TECRL: variants seen among roughly 807,000 people sequenced by gnomAD.
The protein encoded by TECRL is trans-2,3-enoyl-CoA reductase-like.
Under a neutral mutation model 52.8 loss-of-function variants are expected in TECRL, and 63 were observed. The ratio of observed to expected loss-of-function variants is 1.19; its 90% CI spans 0.97 to 1.47. The LOEUF is 1.47. Among genes scored for constraint, TECRL ranks in the 40% most tolerant of loss-of-function variants. TECRL has a pLI of 0.00. For synonymous variants in TECRL, 164 were observed against 141.9 expected (o/e 1.16, Z -1.10); for missense variants, 482 against 429.6 (o/e 1.12, Z -1.08).
chr4:64,330,015 A>G (rs1718527674), intron 2 of TECRL, among the ~76,000 whole-genome samples: 1 of 151,170 alleles, frequency 6.6e-6, no homozygotes, highest in African/African-American at 2.4e-5. Flanking sequence ...GTACTATTTT[A>G]CTGTACTATT....
Position 64,343,841 on chromosome 4 carries a change from A to G in TECRL, c.287-15285T>C, listed in dbSNP as rs140279354. Among the ~76,000 whole-genome samples the G allele has an allele frequency of 7.2e-5, 11 of 152,202 alleles. No homozygotes were observed. The East Asian group carries it at 2.1e-3, about 29-fold the overall frequency. ...AACCTCAATTACACACTTTAGAGCCACGGAGAGAAAAAAATAAAGTATGAA... is the reference window on the plus strand; with the variant it reads ...AACCTCAATTACACACTTTAGAGCCGCGGAGAGAAAAAAATAAAGTATGAA... On this transcript the variant is annotated intron_variant, in intron 2 of 11. Transcript: ENST00000381210.
chr4:64,381,575 G>C (rs1433370198), intron 1 of TECRL, among the ~76,000 whole-genome samples: 1 of 151,692 alleles, frequency 6.6e-6, no homozygotes, highest in Non-Finnish European at 1.5e-5. Flanking sequence ...CTAATTTGTT[G>C]AGAGGTTTCT....
intron 9 of TECRL, among the ~76,000 whole-genome samples, chr4:64,288,517 G>A (rs1723200732): frequency 2.0e-5 from 3 of 152,222 alleles, no homozygotes; most frequent in African/African-American, 4.8e-5. Context: ...TCATTTTGAA[G>A]TGTTGTCTTT....
At chr4:64,387,659 C>A (rs761361307) in intron 1 of TECRL, among the ~76,000 whole-genome samples, 2 of 151,964 alleles carry the variant, frequency 1.3e-5, no homozygotes, top group Non-Finnish European at 2.9e-5. Flanking sequence ...TGTAGAGTCT[C>A]TTTTTGTATA....
chr4:64,384,905 T>C (rs1723070995), intron 1 of TECRL, among the ~76,000 whole-genome samples: 1 of 152,156 alleles, frequency 6.6e-6, no homozygotes, highest in African/African-American at 2.4e-5. Flanking sequence ...CCCAATGTTA[T>C]CTGCAGGCAT....
intron 1 of TECRL, among the ~76,000 whole-genome samples, chr4:64,384,824 AG>A (rs1447462129): frequency 1.3e-5 from 2 of 152,114 alleles, no homozygotes; most frequent in African/African-American, 4.8e-5. Flanking sequence ...TTGTGGCTTC[AG>A]CCCCCTGGAT....
intron 2 of TECRL, among the ~76,000 whole-genome samples, chr4:64,368,370 A>G (rs1228410617): frequency 6.6e-6 from 1 of 152,126 alleles, no homozygotes; most frequent in Non-Finnish European, 1.5e-5. Flanking sequence ...ATCTTGGCTC[A>G]CTGCAACCTC....
At chr4:64,347,205 T>A (rs1720051647) in intron 2 of TECRL, among the ~76,000 whole-genome samples, 1 of 152,090 alleles carries the variant, frequency 6.6e-6, no homozygotes, top group Admixed American at 6.6e-5. Flanking sequence ...TGCAAAATAA[T>A]CCATCATTCC....
At position 64,314,570 on chromosome 4, in the gene TECRL, A is replaced by G. The variant is rs574846578; in HGVS notation, c.551+78T>C. 4.1e-5 allele frequency: 44 copies of G among 1,083,698 alleles called. No homozygotes were observed. The Middle Eastern group carries it at 6.3e-4, about 16-fold the overall frequency. The allele number at this position is 1,083,698 out of a possible 1,614,324, so 67.1% of individuals were successfully genotyped here. On this transcript the variant is annotated intron_variant, in intron 5 of 11. Transcript: ENST00000381210. ...TAATATTTTACCTGCTTACTAGTTC[A>G]TCCCCTCCTTAACGTGTATGGTGTG...
At chr4:64,394,467 GC>G (rs1303821437) in intron 1 of TECRL, among the ~76,000 whole-genome samples, 4 of 152,140 alleles carry the variant, frequency 2.6e-5, no homozygotes, top group African/African-American at 7.2e-5. Flanking sequence ...AGAAAAGGCA[GC>G]CAAAGGTACT....
chr4:64,382,227 ATATATATAG>A (rs1375866835), intron 1 of TECRL, among the ~76,000 whole-genome samples: 359 of 3,334 alleles, frequency 0.11, 2 homozygotes, highest in South Asian at 0.2. Context: ...ATATATATAT[ATATATATAG>A]TATTATGTAT....
At chr4:64,298,225 A>G (rs1303640362) in intron 8 of TECRL, among the ~76,000 whole-genome samples, 1 of 151,248 alleles carries the variant, frequency 6.6e-6, no homozygotes, top group Non-Finnish European at 1.5e-5. Context: ...ATGTGCAATT[A>G]AAGTTATCAC....
intron 2 of TECRL, among the ~76,000 whole-genome samples, chr4:64,374,079 A>ATATATATATATATATT (rs1343885987): frequency 0.011 from 1,040 of 96,604 alleles, 1 homozygote; most frequent in Middle Eastern, 0.037. Flanking sequence ...ATATATATAT[A>ATATATATATATATATT]TATTTATCTT....
At chr4:64,333,932 G>A (rs556237097) in intron 2 of TECRL, among the ~76,000 whole-genome samples, 3 of 140,222 alleles carry the variant, frequency 2.1e-5, no homozygotes, top group Admixed American at 2.1e-4. Context: ...GCTGAGGCAG[G>A]AGAATGGCGT....
At chr4:64,329,497 C>G (rs1007086637) in intron 2 of TECRL, among the ~76,000 whole-genome samples, 1 of 151,412 alleles carries the variant, frequency 6.6e-6, no homozygotes, top group Non-Finnish European at 1.5e-5. Flanking sequence ...AGAGGAAGTT[C>G]GGATGAAAAA....
chr4:64,332,595 T>G (rs1171679493), intron 2 of TECRL, among the ~76,000 whole-genome samples: 1 of 152,094 alleles, frequency 6.6e-6, no homozygotes, highest in African/African-American at 2.4e-5. Context: ...TCAGATAAAG[T>G]TTTCATACAC....
At chr4:64,408,755 T>A (rs1303652053) in intron 1 of TECRL, among the ~76,000 whole-genome samples, 1 of 152,124 alleles carries the variant, frequency 6.6e-6, no homozygotes, top group Non-Finnish European at 1.5e-5. Context: ...TGATAATTTG[T>A]ATATACAATG....
At chr4:64,403,473 G>GCGCGCACACA (rs1491496202) in intron 1 of TECRL, among the ~76,000 whole-genome samples, 3 of 50,076 alleles carry the variant, frequency 6.0e-5, no homozygotes, top group Admixed American at 5.9e-4. Context: ...CCCTCCCTGA[G>GCGCGCACACA]CGCACACACA....
chr4:64,385,512 C>A (rs1723116921), intron 1 of TECRL, among the ~76,000 whole-genome samples: 1 of 152,118 alleles, frequency 6.6e-6, no homozygotes, highest in African/African-American at 2.4e-5. Context: ...ACACAGGATA[C>A]TGCATAGGCT....
Sources: allele counts gnomAD v4.1 joint callset (sites outside exome capture counted in the v4.1 genomes callset), GRCh38; gene constraint gnomAD v4.1.1; transcripts MANE v1.5; gene names NCBI Gene and HGNC (gene_info 2026-07-23, HGNC 2026-07-21).